Variants in MECOM observed in about 807,000 individuals in gnomAD.
MECOM encodes MDS1 and EVI1 complex locus.
In MECOM, 13 loss-of-function variants were observed where a neutral mutation model predicts 116.3. That is an observed-to-expected ratio of 0.11 (90% CI 0.07 to 0.18). The LOEUF is 0.18. MECOM is among the 10% of genes least tolerant of loss of function. The pLI is 1.00. For synonymous variants in MECOM, 528 were observed against 535.2 expected (o/e 0.99, Z 0.19); for missense variants, 1,299 against 1,509.0 (o/e 0.86, Z 2.31).
At chr3:169,629,523 A>T (rs1380787091) in intron 1 of MECOM, among the ~76,000 whole-genome samples, 1 of 152,150 alleles carries the variant, frequency 6.6e-6, no homozygotes, top group Non-Finnish European at 1.5e-5. Flanking sequence ...TAAATAGTAA[A>T]CTAATAACAA....
At chr3:169,314,106 C>T (rs188412095) in intron 2 of MECOM, among the ~76,000 whole-genome samples, 2 of 152,334 alleles carry the variant, frequency 1.3e-5, no homozygotes, top group Admixed American at 6.5e-5. Flanking sequence ...CTACACTTTG[C>T]TAGAACATCC....
intron 1 of MECOM, among the ~76,000 whole-genome samples, chr3:169,556,889 A>G (rs1002873452): frequency 3.3e-5 from 5 of 152,196 alleles, no homozygotes; most frequent in Admixed American, 6.5e-5. Flanking sequence ...GCCAGCTCCC[A>G]GATTCCTGAC....
Position 169,141,641 on chromosome 3 carries a change from T to A in MECOM, c.510+2057A>T, listed in dbSNP as rs142919797. Among the ~76,000 whole-genome samples the A allele has an allele frequency of 3.4e-3, 517 of 152,154 alleles. 3 individuals carry two copies. The highest frequency in any genetic ancestry group is 0.012 in the African/African-American group (500 of 41,572). On this transcript the variant is annotated intron_variant, in intron 3 of 16. Transcript: ENST00000651503. ...TAGAATATTCATATGTGCTTATAGG[T>A]GAATATGCTTATAATATATGCATAC...
At chr3:169,556,791 T>C (rs1331578332) in intron 1 of MECOM, among the ~76,000 whole-genome samples, 2 of 152,154 alleles carry the variant, frequency 1.3e-5, no homozygotes, top group Non-Finnish European at 2.9e-5. Context: ...TGGAAGCATA[T>C]GTTCCCCAGC....
intron 9 of MECOM, among the ~76,000 whole-genome samples, chr3:169,110,397 A>G (rs1345993275): frequency 6.6e-6 from 1 of 152,188 alleles, no homozygotes; most frequent in Non-Finnish European, 1.5e-5. Context: ...TGTTGCGTAC[A>G]TAAATGCCAG....
At chr3:169,462,536 T>C (rs891022382) in intron 1 of MECOM, among the ~76,000 whole-genome samples, 6 of 152,144 alleles carry the variant, frequency 3.9e-5, no homozygotes, top group African/African-American at 1.4e-4. Context: ...CCCATATGTG[T>C]TTCTTGAATT....
intron 2 of MECOM, among the ~76,000 whole-genome samples, chr3:169,240,699 A>G (rs989470709): frequency 6.6e-6 from 1 of 152,170 alleles, no homozygotes; most frequent in African/African-American, 2.4e-5. Context: ...AAGTCATGAA[A>G]TGGGACAACT....
chr3:169,631,345 G>A (rs1772058285), intron 1 of MECOM, among the ~76,000 whole-genome samples: 1 of 152,088 alleles, frequency 6.6e-6, no homozygotes, highest in African/African-American at 2.4e-5. Flanking sequence ...CTATAATAGA[G>A]GGAATCATAA....
intron 2 of MECOM, among the ~76,000 whole-genome samples, chr3:169,305,193 C>T (rs888961297): frequency 6.6e-6 from 1 of 152,148 alleles, no homozygotes; most frequent in Non-Finnish European, 1.5e-5. Context: ...TTACAGTACA[C>T]TCTGAGAAGG....
At chr3:169,272,168 T>C (rs1289239521) in intron 2 of MECOM, among the ~76,000 whole-genome samples, 3 of 152,168 alleles carry the variant, frequency 2.0e-5, no homozygotes, top group Admixed American at 2.0e-4. Flanking sequence ...ATTAACCCTT[T>C]GGCAGGGTGA....
At chr3:169,247,366 C>T (rs1420817271) in intron 2 of MECOM, among the ~76,000 whole-genome samples, 1 of 151,640 alleles carries the variant, frequency 6.6e-6, no homozygotes, top group Non-Finnish European at 1.5e-5. Flanking sequence ...AGTGTAATGG[C>T]ACGATATCAG....
At chr3:169,182,921 T>G (rs1407404709) in intron 2 of MECOM, among the ~76,000 whole-genome samples, 1 of 152,180 alleles carries the variant, frequency 6.6e-6, no homozygotes, top group East Asian at 1.9e-4. Context: ...CTTGTTGAGA[T>G]TGAGCAGAAA....
chr3:169,577,211 A>G (rs568608986), intron 1 of MECOM, among the ~76,000 whole-genome samples: 48 of 152,348 alleles, frequency 3.2e-4, no homozygotes, highest in African/African-American at 1.1e-3. Flanking sequence ...GAGTTAACGT[A>G]TAAAGAAAAC....
intron 1 of MECOM, among the ~76,000 whole-genome samples, chr3:169,472,660 A>AG (rs1560319096): frequency 1.9e-5 from 2 of 105,926 alleles, no homozygotes; most frequent in Admixed American, 9.3e-5. Flanking sequence ...AAAGAAAAGA[A>AG]AGGAAAGGAA....
At chr3:169,521,447 A>G (rs2109085032) in intron 1 of MECOM, among the ~76,000 whole-genome samples, 1 of 152,318 alleles carries the variant, frequency 6.6e-6, no homozygotes, top group African/African-American at 2.4e-5. Flanking sequence ...AAAGAAGGCC[A>G]GACAGAGCCC....
chr3:169,262,925 G>C (rs1757732730), intron 2 of MECOM, among the ~76,000 whole-genome samples: 2 of 150,062 alleles, frequency 1.3e-5, no homozygotes, highest in Non-Finnish European at 3.0e-5. Context: ...GCTGGGGATG[G>C]AACTGAGAAA....
chr3:169,538,579 C>T (rs1426624029), intron 1 of MECOM, among the ~76,000 whole-genome samples: 1 of 152,188 alleles, frequency 6.6e-6, no homozygotes, highest in African/African-American at 2.4e-5. Flanking sequence ...ATTCAAATCA[C>T]AGTCTTCTGT....
At chr3:169,261,777 C>T (rs2149614070) in intron 2 of MECOM, among the ~76,000 whole-genome samples, 1 of 152,238 alleles carries the variant, frequency 6.6e-6, no homozygotes, top group East Asian at 1.9e-4. Flanking sequence ...AAGAAGACGA[C>T]AAAAGAAGAA....
At chr3:169,361,780 A>G (rs1204648896) in intron 2 of MECOM, among the ~76,000 whole-genome samples, 2 of 151,854 alleles carry the variant, frequency 1.3e-5, no homozygotes, top group African/African-American at 4.8e-5. Context: ...GTTGTTGACA[A>G]AAGTCCACTA....
Sources: gnomAD v4.1 joint callset for allele counts (sites outside exome capture counted in the v4.1 genomes callset) on GRCh38, gnomAD v4.1.1 for gene constraint, MANE v1.5 for transcripts, NCBI Gene and HGNC (gene_info 2026-07-23, HGNC 2026-07-21) for gene names.